KCNJ10: variants seen among roughly 807,000 people sequenced by gnomAD.
The protein encoded by KCNJ10 is ATP-sensitive inward rectifier potassium channel 10.
KCNJ10 carries 9 observed loss-of-function variants against 22.2 expected under a neutral mutation model. That is an observed-to-expected ratio of 0.40 (90% CI 0.24 to 0.71). The LOEUF is 0.71. KCNJ10 is among the 30% of genes least tolerant of loss of function. KCNJ10 has a pLI of 0.35. For synonymous variants in KCNJ10, 184 were observed against 187.3 expected, an observed-to-expected ratio of 0.98 and a Z score of 0.15; for missense variants, 337 against 482.7, an observed-to-expected ratio of 0.70 and a Z score of 2.83.
chr1:160,069,481 A>G (rs1213553931), intron 1 of KCNJ10, among the ~76,000 whole-genome samples: 1 of 152,050 alleles, frequency 6.6e-6, no homozygotes, highest in Non-Finnish European at 1.5e-5. Context: ...TAGAAGGAAG[A>G]GATTGGGTGG....
At chr1:160,050,655 A>G (rs544609907) in intron 1 of KCNJ10, among the ~76,000 whole-genome samples, 1 of 152,286 alleles carries the variant, frequency 6.6e-6, no homozygotes, top group East Asian at 1.9e-4. Flanking sequence ...GTGCAAGGGA[A>G]CAGGGTTGGG....
intron 1 of KCNJ10, among the ~76,000 whole-genome samples, chr1:160,064,453 CTTA>C (rs1649267667): frequency 6.6e-6 from 1 of 152,184 alleles, no homozygotes; most frequent in Admixed American, 6.5e-5. Context: ...TGTCACTCTT[CTTA>C]TTAACTTTTT....
Position 160,039,373 on chromosome 1 carries a change from G to GAC in KCNJ10, c.*2018_*2019dup, listed in dbSNP as rs56656397. ...ACTTGGCAATGGATAGGAAGGTATA[G>GAC]ACACACACACACACACACACACACA... On this transcript the variant is annotated 3_prime_UTR_variant, in exon 2 of 2. Transcript: ENST00000644903. The GAC allele has an allele frequency of 0.088, 11,873 of 134,714 alleles. 577 individuals carry two copies. The highest frequency in any genetic ancestry group is 0.24 in the East Asian group (1,027 of 4,314). 8.3% of individuals were successfully genotyped at this position (134,714 alleles called of 1,614,324 possible).
chr1:160,042,152 G>T lies in KCNJ10; in HGVS notation c.381C>A (p.Thr127=). 1 of 1,587,126 alleles carries T rather than the reference G, an allele frequency of 6.3e-7. No individual in the cohort carries two copies. The change falls in exon 2 of 2, where the codon ACC becomes ACA. Residue 127 remains threonine (T), a synonymous_variant. Transcript: ENST00000644903. ...TGTAGCGGAAGCCATAGCCAATGGT[G>T]GTTTGGGATTCAAGGGAGAAGAGGA... The part of the protein sequence containing the change: ...GAFLFSLESQ[T]TIGYGFRYIS...
intron 1 of KCNJ10, among the ~76,000 whole-genome samples, chr1:160,059,882 G>A (rs1437570664): frequency 1.3e-5 from 2 of 152,072 alleles, no homozygotes; most frequent in Non-Finnish European, 2.9e-5. Context: ...TTATGCCCAG[G>A]GAATTCTTCC....
At chr1:160,053,295 A>G (rs1294853427) in intron 1 of KCNJ10, among the ~76,000 whole-genome samples, 3 of 152,116 alleles carry the variant, frequency 2.0e-5, no homozygotes, top group African/African-American at 7.2e-5. Context: ...TTGAATAGCG[A>G]CCTTAGAGTC....
chr1:160,056,742 A>C (rs180793063), intron 1 of KCNJ10, among the ~76,000 whole-genome samples: 5 of 152,322 alleles, frequency 3.3e-5, no homozygotes, highest in African/African-American at 9.6e-5. Flanking sequence ...ATTGGTTAGT[A>C]AAGAGGGAGG....
intron 1 of KCNJ10, among the ~76,000 whole-genome samples, chr1:160,060,835 C>A (rs1303083903): frequency 6.6e-6 from 1 of 152,130 alleles, no homozygotes. Flanking sequence ...ACTGGAAAGG[C>A]CAGTACTAGG....
At position 160,039,276 on chromosome 1, in the gene KCNJ10, T is replaced by A. The variant is rs1379376180; in HGVS notation, c.*2117A>T. The A allele has an allele frequency of 4.6e-5, 7 of 152,560 alleles. No homozygotes were observed. The highest frequency in any genetic ancestry group is 1.7e-4 in the African/African-American group (7 of 41,414). The allele number at this position is 152,560 out of a possible 1,614,324, so 9.5% of individuals were successfully genotyped here. On this transcript the variant is annotated 3_prime_UTR_variant, in exon 2 of 2. Coordinates refer to ENST00000644903, the MANE Select transcript of KCNJ10 (RefSeq NM_002241.5). ...ATCCAAGAGTCTAGAGGCTTGAGTC[T>A]GGGGGCTTAGAATAGACAGCAGGGG... is the stretch of plus-strand genomic sequence containing the variant.
chr1:160,067,658 T>A (rs1173014940), intron 1 of KCNJ10, among the ~76,000 whole-genome samples: 1 of 152,102 alleles, frequency 6.6e-6, no homozygotes, highest in East Asian at 1.9e-4. Context: ...GTGGAGGTTT[T>A]TTTCTTCCGT....
intron 1 of KCNJ10, among the ~76,000 whole-genome samples, chr1:160,052,345 C>G (rs1648925175): frequency 1.3e-5 from 2 of 152,202 alleles, no homozygotes. Context: ...GTCCTACTAT[C>G]TGTCCATCAT....
intron 1 of KCNJ10, chr1:160,063,684 G>C (rs11584235): frequency 6.6e-6 from 1 of 152,228 alleles, no homozygotes; most frequent in Non-Finnish European, 1.5e-5. Context: ...CTAGGCCTTA[G>C]AACTCCTGGG....
chr1:160,064,399 G>T (rs1169421889), intron 1 of KCNJ10, among the ~76,000 whole-genome samples: 1 of 152,206 alleles, frequency 6.6e-6, no homozygotes, highest in South Asian at 2.1e-4. Flanking sequence ...AACTGTCTTT[G>T]ATTAAGCCAG....
chr1:160,059,832 A>C (rs1649145554), intron 1 of KCNJ10, among the ~76,000 whole-genome samples: 2 of 152,158 alleles, frequency 1.3e-5, no homozygotes, highest in Admixed American at 1.3e-4. Flanking sequence ...TTTCCTTCTC[A>C]TCAAGGCAAT....
chr1:160,048,414 G>C (rs1648802414), intron 1 of KCNJ10, among the ~76,000 whole-genome samples: 2 of 152,230 alleles, frequency 1.3e-5, no homozygotes, highest in Non-Finnish European at 2.9e-5. Context: ...CATTTGCAGG[G>C]GGCTGGGGAG....
At chr1:160,052,495 A>G (rs79494292) in intron 1 of KCNJ10, among the ~76,000 whole-genome samples, 1 of 152,190 alleles carries the variant, frequency 6.6e-6, no homozygotes, top group Non-Finnish European at 1.5e-5. Flanking sequence ...TATGCAGTAG[A>G]GGGGTTTTGA....
intron 1 of KCNJ10, among the ~76,000 whole-genome samples, chr1:160,063,247 G>A (rs989004017): frequency 5.3e-5 from 8 of 152,298 alleles, no homozygotes; most frequent in African/African-American, 1.9e-4. Context: ...AGCACAAAGG[G>A]CAGGGCCAGA....
In KCNJ10 at chr1:160,040,850, C is replaced by T; in HGVS notation, c.*543G>A. The T allele has an allele frequency of 2.7e-6, 1 of 366,514 alleles. No individual in the cohort carries two copies. The highest frequency in any genetic ancestry group is 4.9e-6 in the Non-Finnish European group (1 of 204,606). 22.7% of individuals were successfully genotyped at this position (366,514 alleles called of 1,614,324 possible). A position where few individuals can be genotyped will look rare whatever the true frequency, so the allele number is the denominator to read the frequency against. On this transcript the variant is annotated 3_prime_UTR_variant, in exon 2 of 2. Transcript: ENST00000644903. The stretch of plus-strand genomic sequence containing the variant: ...GAAGTCACCAGCAGAAATCAAGCTT[C>T]ACAGTGGCAAACCCTGGCTTCTTTC...
intron 1 of KCNJ10, among the ~76,000 whole-genome samples, chr1:160,058,626 G>A (rs76691050): frequency 2.0e-5 from 3 of 152,114 alleles, no homozygotes; most frequent in Non-Finnish European, 2.9e-5. Flanking sequence ...GAGAAAGGAT[G>A]AATGAAAAGT....
Sources: allele counts gnomAD v4.1 joint callset (sites outside exome capture counted in the v4.1 genomes callset), GRCh38; gene constraint gnomAD v4.1.1; transcripts MANE v1.5; gene names NCBI Gene and HGNC (gene_info 2026-07-23, HGNC 2026-07-21).